Variants in RIT2 observed in about 807,000 individuals in gnomAD.
RIT2 encodes GTP-binding protein Rit2.
In RIT2, 24 loss-of-function variants were observed where a neutral mutation model predicts 23.7. That is an observed-to-expected ratio of 1.01 (90% CI 0.73 to 1.43). The LOEUF (loss-of-function observed/expected upper bound fraction) is 1.43, where lower values mean the gene tolerates loss of function less well. Ranked by LOEUF, RIT2 falls within the 40% of genes most tolerant of loss-of-function variation. The pLI, the probability that RIT2 is intolerant of heterozygous loss-of-function variation, is 0.00. For synonymous variants in RIT2, 107 were observed against 91.1 expected, an observed-to-expected ratio of 1.17 and a Z score of -0.99; for missense variants, 236 against 266.9, an observed-to-expected ratio of 0.88 and a Z score of 0.81.
chr18:43,103,223 A>G (rs1045897115), intron 1 of RIT2, among the ~76,000 whole-genome samples: 2 of 152,124 alleles, frequency 1.3e-5, no homozygotes, highest in Non-Finnish European at 1.5e-5. Flanking sequence ...GAACTTTTAG[A>G]ATATTGCTTA....
chr18:42,822,254 T>C (rs1055983232), intron 4 of RIT2, among the ~76,000 whole-genome samples: 2 of 152,198 alleles, frequency 1.3e-5, no homozygotes, highest in East Asian at 3.8e-4. Flanking sequence ...AACTGTTTTC[T>C]ATTCCTTTTA....
At chr18:42,932,825 G>A (rs1358808841) in intron 3 of RIT2, among the ~76,000 whole-genome samples, 1 of 151,092 alleles carries the variant, frequency 6.6e-6, no homozygotes, top group Non-Finnish European at 1.5e-5. Context: ...TCCTGTGCAT[G>A]CTTCTTAGTC....
chr18:42,794,222 AC>A (rs1424479985), intron 4 of RIT2, among the ~76,000 whole-genome samples: 1 of 152,162 alleles, frequency 6.6e-6, no homozygotes, highest in Non-Finnish European at 1.5e-5. Context: ...CCTAGCAGAC[AC>A]AAGCAGTCAG....
chr18:42,836,186 C>A (rs186238219), intron 4 of RIT2, among the ~76,000 whole-genome samples: 1 of 152,178 alleles, frequency 6.6e-6, no homozygotes, highest in Non-Finnish European at 1.5e-5. Flanking sequence ...AGAAATCTTT[C>A]ATCTCATACT....
chr18:42,752,187 T>C (rs953549554), intron 4 of RIT2, among the ~76,000 whole-genome samples: 2 of 152,150 alleles, frequency 1.3e-5, no homozygotes, highest in Admixed American at 1.3e-4. Flanking sequence ...ACCACAGCAG[T>C]CCACTAGTGG....
At chr18:42,995,871 C>T (rs1030890539) in intron 2 of RIT2, among the ~76,000 whole-genome samples, 1 of 152,182 alleles carries the variant, frequency 6.6e-6, no homozygotes, top group African/African-American at 2.4e-5. Flanking sequence ...CTCCTATTCA[C>T]CATTCTCAAC....
intron 4 of RIT2, among the ~76,000 whole-genome samples, chr18:42,805,262 A>G (rs919783980): frequency 3.3e-5 from 5 of 152,218 alleles, no homozygotes; most frequent in African/African-American, 9.6e-5. Flanking sequence ...TGAGAACAGT[A>G]TTGCTTTACA....
chr18:43,080,984 A>C (rs1009654355), intron 1 of RIT2, among the ~76,000 whole-genome samples: 1 of 152,200 alleles, frequency 6.6e-6, no homozygotes, highest in Non-Finnish European at 1.5e-5. Flanking sequence ...GGCGAACGTC[A>C]ACAGATGGCC....
intron 2 of RIT2, among the ~76,000 whole-genome samples, chr18:42,982,970 A>T (rs1007803539): frequency 3.3e-5 from 5 of 152,120 alleles, no homozygotes; most frequent in Non-Finnish European, 4.4e-5. Flanking sequence ...TCTATAGCAT[A>T]ACTATTTAAA....
chr18:42,919,806 T>A (rs972192386), intron 4 of RIT2, among the ~76,000 whole-genome samples: 1 of 152,104 alleles, frequency 6.6e-6, no homozygotes, highest in Non-Finnish European at 1.5e-5. Flanking sequence ...AGACTGCTTC[T>A]ACTTTGCACA....
chr18:43,018,942 A>G (rs1164997016), intron 2 of RIT2, among the ~76,000 whole-genome samples: 3 of 152,026 alleles, frequency 2.0e-5, no homozygotes, highest in East Asian at 3.9e-4. Context: ...TCAAGCTACA[A>G]TAATAAATGA....
intron 1 of RIT2, among the ~76,000 whole-genome samples, chr18:43,097,689 C>A (rs1003378064): frequency 1.3e-5 from 2 of 151,856 alleles, no homozygotes; most frequent in African/African-American, 4.8e-5. Context: ...AGAAGGTCTA[C>A]ATAGAAATCC....
intron 4 of RIT2, among the ~76,000 whole-genome samples, chr18:42,765,027 A>G (rs533315765): frequency 1.3e-5 from 2 of 152,146 alleles, no homozygotes; most frequent in Non-Finnish European, 2.9e-5. Flanking sequence ...AGTTTCTCTG[A>G]GCCTATATTT....
intron 1 of RIT2, among the ~76,000 whole-genome samples, chr18:43,091,898 C>A (rs1913431325): frequency 6.6e-6 from 1 of 151,222 alleles, no homozygotes; most frequent in African/African-American, 2.4e-5. Context: ...GCCTTAGCTA[C>A]ATCTAGGTTT....
intron 1 of RIT2, among the ~76,000 whole-genome samples, chr18:43,111,659 T>A (rs1482227349): frequency 6.6e-6 from 1 of 152,202 alleles, no homozygotes; most frequent in Non-Finnish European, 1.5e-5. Flanking sequence ...TATTATTACC[T>A]CTAGTCCTCA....
chr18:42,900,374 C>A (rs1908443102), intron 4 of RIT2, among the ~76,000 whole-genome samples: 1 of 152,110 alleles, frequency 6.6e-6, no homozygotes, highest in South Asian at 2.1e-4. Flanking sequence ...GGTTATTAGT[C>A]CATGCCATGA....
At chr18:43,098,448 G>A (rs868603483) in intron 1 of RIT2, among the ~76,000 whole-genome samples, 16 of 151,884 alleles carry the variant, frequency 1.1e-4, no homozygotes, top group African/African-American at 3.1e-4. Flanking sequence ...TAGATAAAGA[G>A]AGAATAGTTG....
At chr18:43,103,608 A>T (rs113293909) in intron 1 of RIT2, among the ~76,000 whole-genome samples, 2 of 152,234 alleles carry the variant, frequency 1.3e-5, no homozygotes, top group African/African-American at 4.8e-5. Context: ...AAAGAGCAAG[A>T]AGTATTTGTG....
At chr18:43,060,637 T>C (rs1029113745) in intron 1 of RIT2, among the ~76,000 whole-genome samples, 1 of 152,120 alleles carries the variant, frequency 6.6e-6, no homozygotes, top group Admixed American at 6.6e-5. Context: ...TTAATTAACA[T>C]TGAAACTTTC....
Sources: allele counts gnomAD v4.1 joint callset (sites outside exome capture counted in the v4.1 genomes callset), GRCh38; gene constraint gnomAD v4.1.1; transcripts MANE v1.5; gene names NCBI Gene and HGNC (gene_info 2026-07-23, HGNC 2026-07-21).